TBC1D5: variants seen among roughly 807,000 people sequenced by gnomAD.
TBC1D5 encodes TBC1 domain family member 5.
Under a neutral mutation model 100.3 loss-of-function variants are expected in TBC1D5, and 75 were observed. The ratio of observed to expected loss-of-function variants is 0.75; its 90% confidence interval spans 0.62 to 0.91. The LOEUF (loss-of-function observed/expected upper bound fraction) is 0.91, where lower values mean the gene tolerates loss of function less well. Among genes scored for constraint, TBC1D5 ranks in the 40% least tolerant of loss-of-function variants. The pLI, the probability that TBC1D5 is intolerant of heterozygous loss-of-function variation, is 0.00. For synonymous variants in TBC1D5, 323 were observed against 325.6 expected (o/e 0.99, Z 0.09); for missense variants, 910 against 942.4 (o/e 0.97, Z 0.45).
intron 18 of TBC1D5, among the ~76,000 whole-genome samples, chr3:17,191,288 T>A (rs979837979): frequency 6.6e-6 from 1 of 152,218 alleles, no homozygotes; most frequent in Admixed American, 6.5e-5. Flanking sequence ...ATGGTGATAA[T>A]AATAGTTTCT....
chr3:17,240,719 T>C (rs1185807956), intron 16 of TBC1D5, among the ~76,000 whole-genome samples: 1 of 152,142 alleles, frequency 6.6e-6, no homozygotes, highest in Non-Finnish European at 1.5e-5. Flanking sequence ...GCATTTTAGT[T>C]TTGCTTGTTT....
At chr3:17,294,716 C>T (rs1182126797) in intron 14 of TBC1D5, among the ~76,000 whole-genome samples, 4 of 152,224 alleles carry the variant, frequency 2.6e-5, no homozygotes, top group African/African-American at 9.6e-5. Flanking sequence ...CTATGCTAGG[C>T]ACCTGCACTA....
At chr3:17,347,715 A>T (rs1322110002) in intron 13 of TBC1D5, among the ~76,000 whole-genome samples, 1 of 152,176 alleles carries the variant, frequency 6.6e-6, no homozygotes, top group Non-Finnish European at 1.5e-5. Flanking sequence ...TTTAAATCTA[A>T]ATTATCCCTT....
At chr3:17,470,478 A>G (rs2095359817) in intron 3 of TBC1D5, among the ~76,000 whole-genome samples, 1 of 152,212 alleles carries the variant, frequency 6.6e-6, no homozygotes, top group African/African-American at 2.4e-5. Context: ...AGAAATGGAA[A>G]ATGATGCAGT....
intron 18 of TBC1D5, among the ~76,000 whole-genome samples, chr3:17,188,041 C>T (rs997469261): frequency 3.9e-5 from 6 of 152,198 alleles, no homozygotes; most frequent in Middle Eastern, 3.2e-3. Context: ...TTAGAAGACA[C>T]GCTTTAGAGG....
At chr3:17,717,113 C>T (rs1274027258) in intron 1 of TBC1D5, among the ~76,000 whole-genome samples, 2 of 152,016 alleles carry the variant, frequency 1.3e-5, no homozygotes, top group Non-Finnish European at 2.9e-5. Context: ...TTCCAAGCCA[C>T]CTAGCCAGTA....
At chr3:17,616,991 T>C (rs1403704569) in intron 2 of TBC1D5, among the ~76,000 whole-genome samples, 1 of 152,222 alleles carries the variant, frequency 6.6e-6, no homozygotes, top group East Asian at 1.9e-4. Flanking sequence ...CATTGATGGT[T>C]TTTACAATTT....
At chr3:17,255,415 T>C (rs1265826117) in intron 16 of TBC1D5, among the ~76,000 whole-genome samples, 2 of 152,070 alleles carry the variant, frequency 1.3e-5, no homozygotes, top group Non-Finnish European at 2.9e-5. Context: ...TTGGCCAGGA[T>C]GGTCTCGATC....
At chr3:17,334,638 T>C (rs1325609647) in intron 13 of TBC1D5, among the ~76,000 whole-genome samples, 3 of 152,158 alleles carry the variant, frequency 2.0e-5, no homozygotes, top group African/African-American at 7.2e-5. Context: ...GCCTAACTCT[T>C]CTTAAATATA....
At chr3:17,717,186 C>G (rs903523513) in intron 1 of TBC1D5, among the ~76,000 whole-genome samples, 10 of 151,796 alleles carry the variant, frequency 6.6e-5, no homozygotes, top group Non-Finnish European at 1.3e-4. Flanking sequence ...CTATTATTCT[C>G]CCTTGCTTTC....
At chr3:17,413,677 C>A (rs1037523923) in intron 4 of TBC1D5, among the ~76,000 whole-genome samples, 5 of 152,040 alleles carry the variant, frequency 3.3e-5, no homozygotes, top group Admixed American at 2.6e-4. Flanking sequence ...AAATTATGTG[C>A]TAATTTATGA....
At chr3:17,663,740 T>C (rs1223702202) in intron 1 of TBC1D5, among the ~76,000 whole-genome samples, 1 of 152,156 alleles carries the variant, frequency 6.6e-6, no homozygotes, top group Non-Finnish European at 1.5e-5. Context: ...TATTAAAAAG[T>C]AGTTTGACTG....
intron 3 of TBC1D5, among the ~76,000 whole-genome samples, chr3:17,485,795 T>C (rs960666474): frequency 1.1e-4 from 17 of 151,792 alleles, no homozygotes; most frequent in African/African-American, 4.1e-4. Flanking sequence ...AGTGCCGCAA[T>C]AAACATACGT....
chr3:17,681,832 C>G (rs2069518290), intron 1 of TBC1D5, among the ~76,000 whole-genome samples: 1 of 151,552 alleles, frequency 6.6e-6, no homozygotes, highest in Non-Finnish European at 1.5e-5. Flanking sequence ...AGCAAAGCTT[C>G]CTCTGTATTT....
chr3:17,698,823 G>A (rs2072616738), intron 1 of TBC1D5, among the ~76,000 whole-genome samples: 2 of 147,266 alleles, frequency 1.4e-5, no homozygotes, highest in Non-Finnish European at 3.0e-5. Context: ...TCAGAGAAAT[G>A]CAAATCAAAA....
At chr3:17,240,563 AGAAT>A (rs2076224992) in intron 16 of TBC1D5, among the ~76,000 whole-genome samples, 1 of 152,172 alleles carries the variant, frequency 6.6e-6, no homozygotes, top group South Asian at 2.1e-4. Flanking sequence ...TTGAGAAAAA[AGAAT>A]GAATGAAATG....
intron 1 of TBC1D5, among the ~76,000 whole-genome samples, chr3:17,692,990 C>A (rs1021936917): frequency 6.6e-6 from 1 of 152,164 alleles, no homozygotes; most frequent in African/African-American, 2.4e-5. Context: ...ATTACATGGG[C>A]GGAGCCCCCT....
chr3:17,391,465 T>C (rs2093349258), intron 8 of TBC1D5, among the ~76,000 whole-genome samples: 1 of 151,976 alleles, frequency 6.6e-6, no homozygotes, highest in African/African-American at 2.4e-5. Flanking sequence ...AACCATGACA[T>C]AATAATTAAT....
At chr3:17,191,393 T>C (rs1193353488) in intron 18 of TBC1D5, among the ~76,000 whole-genome samples, 1 of 152,182 alleles carries the variant, frequency 6.6e-6, no homozygotes, top group African/African-American at 2.4e-5. Context: ...AAACACTCAA[T>C]AAATGTGAAT....
Sources: gnomAD v4.1 joint callset for allele counts (sites outside exome capture counted in the v4.1 genomes callset) on GRCh38, gnomAD v4.1.1 for gene constraint, MANE v1.5 for transcripts, NCBI Gene and HGNC (gene_info 2026-07-23, HGNC 2026-07-21) for gene names.